Variants in VEPH1 observed in about 807,000 individuals in gnomAD.
VEPH1 encodes ventricular zone-expressed PH domain-containing protein homolog 1.
In VEPH1, 80 loss-of-function variants were observed where a neutral mutation model predicts 85.2. The observed-to-expected ratio is 0.94, with a 90% CI of 0.78 to 1.13. VEPH1 has a LOEUF of 1.13. Ranked by LOEUF, VEPH1 falls within the 50% of genes most tolerant of loss-of-function variation. The pLI is 0.00. For synonymous variants in VEPH1, 297 were observed against 348.0 expected (o/e 0.85, Z 1.63); for missense variants, 955 against 980.5 (o/e 0.97, Z 0.35).
At position 157,470,745 on chromosome 3, in the gene VEPH1, A is replaced by C. The variant is rs979659633; in HGVS notation, c.139-216T>G. On this transcript the variant is annotated intron_variant, in intron 2 of 13. Coordinates refer to ENST00000362010, the MANE Select transcript of VEPH1 (RefSeq NM_001167912.2). ...AACATGCTAAAATGGAGCAGGTTCT[A>C]CTATCACCCTTAGACAGGGATCCCT... 2.6e-5 allele frequency among the ~76,000 whole-genome samples: 4 copies of C among 152,302 alleles called. No homozygotes were observed. The South Asian group carries it at 8.3e-4, about 32-fold the overall frequency.
chr3:157,424,957 G>A (rs1426584018), intron 5 of VEPH1, among the ~76,000 whole-genome samples: 1 of 152,218 alleles, frequency 6.6e-6, no homozygotes, highest in African/African-American at 2.4e-5. Flanking sequence ...GGGAAAATGT[G>A]TCCAGGGAAT....
At chr3:157,304,021 T>TATATATATATATATATATATATATA (rs1559939923) in intron 11 of VEPH1, among the ~76,000 whole-genome samples, 2 of 84,004 alleles carry the variant, frequency 2.4e-5, no homozygotes. Flanking sequence ...ATCTTATATT[T>TATATATATATATATATATATATATA]TTTATATATA....
At chr3:157,270,378 A>G (rs531975113) in intron 12 of VEPH1, among the ~76,000 whole-genome samples, 1 of 152,284 alleles carries the variant, frequency 6.6e-6, no homozygotes, top group South Asian at 2.1e-4. Context: ...TTTTTAAAAT[A>G]TCAACTGGCT....
intron 12 of VEPH1, among the ~76,000 whole-genome samples, chr3:157,272,375 T>TTTCTTTTCTTTCTTTCTTTCTTTCTTTC (rs200016080): frequency 3.2e-5 from 3 of 95,038 alleles, no homozygotes; most frequent in Admixed American, 1.2e-4. Flanking sequence ...TTTCTCTTTC[T>TTTCTTTTCTTTCTTTCTTTCTTTCTTTC]TTTCTTTCTT....
At chr3:157,452,987 G>C (rs533769128) in intron 4 of VEPH1, among the ~76,000 whole-genome samples, 1 of 152,272 alleles carries the variant, frequency 6.6e-6, no homozygotes, top group East Asian at 1.9e-4. Context: ...CATGACCTAA[G>C]CCTGACCAAC....
At chr3:157,443,851 A>G (rs1044656267) in intron 4 of VEPH1, among the ~76,000 whole-genome samples, 1 of 152,196 alleles carries the variant, frequency 6.6e-6, no homozygotes, top group Non-Finnish European at 1.5e-5. Flanking sequence ...ATGAAATAAG[A>G]ATCTCTAGGA....
chr3:157,351,394 A>T (rs979044041), intron 9 of VEPH1, among the ~76,000 whole-genome samples: 6 of 150,222 alleles, frequency 4.0e-5, no homozygotes, highest in Non-Finnish European at 8.9e-5. Context: ...TTGAACATCC[A>T]TGTTGGACAG....
At chr3:157,412,517 G>A (rs532631138) in intron 6 of VEPH1, among the ~76,000 whole-genome samples, 2 of 152,156 alleles carry the variant, frequency 1.3e-5, no homozygotes, top group Admixed American at 1.3e-4. Flanking sequence ...GCAAAGATCT[G>A]CAAGGTCAGC....
At chr3:157,372,973 A>G (rs1727682040) in intron 7 of VEPH1, among the ~76,000 whole-genome samples, 1 of 152,236 alleles carries the variant, frequency 6.6e-6, no homozygotes, top group South Asian at 2.1e-4. Flanking sequence ...AACACCTATT[A>G]TAATGCACAC....
Position 157,381,321 on chromosome 3 carries a change from T to C in VEPH1, c.962A>G (p.His321Arg), listed in dbSNP as rs1406916782. The C allele has an allele frequency of 1.9e-6, 3 of 1,614,202 alleles. No individual in the cohort carries two copies. Among genetic ancestry groups the C allele is most frequent in the African/African-American group, 1.3e-5 (1 of 75,056 alleles). The change falls in exon 7 of 14, where the codon CAT becomes CGT. Residue 321 changes from histidine (H) to arginine (R), a missense_variant. Transcript: ENST00000362010. Reference protein sequence around the residue: ...YLVSQLANMEHSFHHILLLEI... With the variant: ...YLVSQLANMERSFHHILLLEI... ...CAGCAGGAGAATATGGTGAAACGAA[T>C]GCTCCATGTTGGCCAGTTGGCTCAC...
At position 157,495,525 on chromosome 3, in the gene VEPH1, A is replaced by G; in HGVS notation, c.-157-19T>C. 1 of 1,419,470 alleles carries G rather than the reference A, an allele frequency of 7.0e-7. No individual in the cohort carries two copies. Among genetic ancestry groups the G allele is most frequent in the East Asian group, 2.4e-5 (1 of 41,122 alleles). 87.9% of individuals were successfully genotyped at this position (1,419,470 alleles called of 1,614,324 possible). A position where few individuals can be genotyped will look rare whatever the true frequency, so the allele number is the denominator to read the frequency against. ...ACACTCTCTGCAAGGGAAACAAATG[A>G]CACAATGTAGCCACTGGCAGAATGG... On this transcript the variant is annotated intron_variant, in intron 1 of 13. Coordinates refer to ENST00000362010, the MANE Select transcript of VEPH1 (RefSeq NM_001167912.2).
chr3:157,355,292 C>T (rs116852168), intron 9 of VEPH1, among the ~76,000 whole-genome samples: 5 of 152,330 alleles, frequency 3.3e-5, no homozygotes, highest in East Asian at 3.9e-4. Context: ...CCTACAGCAG[C>T]GTGCCTGGTA....
chr3:157,321,238 C>G (rs1721316543), intron 9 of VEPH1, among the ~76,000 whole-genome samples: 1 of 151,886 alleles, frequency 6.6e-6, no homozygotes, highest in Non-Finnish European at 1.5e-5. Context: ...GGCTTATTTC[C>G]CAGGGTGTTC....
intron 13 of VEPH1, among the ~76,000 whole-genome samples, chr3:157,262,466 T>C (rs938300408): frequency 1.3e-5 from 2 of 151,956 alleles, no homozygotes; most frequent in Admixed American, 1.3e-4. Context: ...TTTATACATA[T>C]AGTTTTACTC....
chr3:157,457,623 C>T (rs570398689), intron 4 of VEPH1, among the ~76,000 whole-genome samples: 1 of 152,040 alleles, frequency 6.6e-6, no homozygotes, highest in African/African-American at 2.4e-5. Context: ...GCCTTATCTG[C>T]ATCTATTGGA....
At chr3:157,270,460 C>T (rs1046153345) in intron 12 of VEPH1, among the ~76,000 whole-genome samples, 1 of 152,084 alleles carries the variant, frequency 6.6e-6, no homozygotes, top group Non-Finnish European at 1.5e-5. Context: ...TGTTTGTCAA[C>T]TTAAAAGTTT....
chr3:157,489,146 T>C (rs900907188), intron 2 of VEPH1: 2 of 456,402 alleles, frequency 4.4e-6, no homozygotes, highest in Admixed American at 2.4e-5. Flanking sequence ...GATTTCACTC[T>C]TGCCTTTCCA....
intron 9 of VEPH1, among the ~76,000 whole-genome samples, chr3:157,360,703 A>C (rs1725961997): frequency 6.6e-6 from 1 of 152,130 alleles, no homozygotes; most frequent in Non-Finnish European, 1.5e-5. Context: ...ATCTAACACA[A>C]AGCCTATATA....
At chr3:157,315,503 T>G (rs928680706) in intron 10 of VEPH1, among the ~76,000 whole-genome samples, 31 of 152,116 alleles carry the variant, frequency 2.0e-4, no homozygotes, top group African/African-American at 6.7e-4. Context: ...TATAAATATA[T>G]GTAGTTGACA....
Sources: gnomAD v4.1 joint callset for allele counts (sites outside exome capture counted in the v4.1 genomes callset) on GRCh38, gnomAD v4.1.1 for gene constraint, MANE v1.5 for transcripts, NCBI Gene and HGNC (gene_info 2026-07-23, HGNC 2026-07-21) for gene names.